Variants in MAST2 observed in about 807,000 individuals in gnomAD.
The protein encoded by MAST2 is microtubule-associated serine/threonine-protein kinase 2.
A neutral mutation model predicts 147.4 loss-of-function variants in MAST2; 70 were observed. That is an observed-to-expected ratio of 0.47 (90% CI 0.39 to 0.58). MAST2 has a LOEUF of 0.58. Ranked by LOEUF, MAST2 falls within the 20% of genes least tolerant of loss-of-function variation. MAST2 has a pLI of 0.00. For synonymous variants in MAST2, 869 were observed against 896.8 expected (o/e 0.97, Z 0.55); for missense variants, 2,080 against 2,302.3 (o/e 0.90, Z 1.98).
rs748642453 is a variant in MAST2 at position 46,033,950 on chromosome 1, G to A, written c.3674+12G>A. The A allele has an allele frequency of 2.9e-5, 47 of 1,613,740 alleles. No homozygotes were observed. Among genetic ancestry groups the A allele is most frequent in the South Asian group, 1.3e-4 (12 of 91,072 alleles). Reference sequence around the variant, plus strand: ...GATGGGCAAGAAAGGTGAGCCAGGCGCAGTGAAGAGGGTTTTCTCTGAGCC... The same window carrying A: ...GATGGGCAAGAAAGGTGAGCCAGGCACAGTGAAGAGGGTTTTCTCTGAGCC... On this transcript the variant is annotated intron_variant, in intron 27 of 28. Transcript: ENST00000361297.
chr1:46,017,480 AAAC>A (rs1456168418), intron 10 of MAST2, among the ~76,000 whole-genome samples: 1 of 152,214 alleles, frequency 6.6e-6, no homozygotes, highest in Non-Finnish European at 1.5e-5. Flanking sequence ...TACAAGAAAA[AAAC>A]AACCCCATCA....
At chr1:45,964,088 C>T (rs1346900330) in intron 5 of MAST2, among the ~76,000 whole-genome samples, 3 of 152,192 alleles carry the variant, frequency 2.0e-5, no homozygotes, top group Non-Finnish European at 4.4e-5. Context: ...GGTGGATAAG[C>T]TGTTTGATGT....
At chr1:45,819,183 G>A (rs1482391755) in intron 1 of MAST2, among the ~76,000 whole-genome samples, 1 of 151,528 alleles carries the variant, frequency 6.6e-6, no homozygotes, top group African/African-American at 2.4e-5. Context: ...AACCCAGGAG[G>A]CAGAGGTTGC....
At chr1:45,834,942 C>CTTT (rs545789885) in intron 3 of MAST2, among the ~76,000 whole-genome samples, 2 of 146,522 alleles carry the variant, frequency 1.4e-5, no homozygotes, top group East Asian at 2.0e-4. Context: ...CATTCCCTGT[C>CTTT]TTTTTTTTTT....
At chr1:45,869,560 C>T (rs1646294698) in intron 3 of MAST2, among the ~76,000 whole-genome samples, 1 of 152,120 alleles carries the variant, frequency 6.6e-6, no homozygotes, top group South Asian at 2.1e-4. Flanking sequence ...TTGTTTTATC[C>T]TCTGCTGCTT....
intron 3 of MAST2, among the ~76,000 whole-genome samples, chr1:45,845,362 T>A (rs1289313312): frequency 6.6e-6 from 1 of 152,226 alleles, no homozygotes; most frequent in Non-Finnish European, 1.5e-5. Context: ...AGAAATAAAT[T>A]TTATTTTTAA....
intron 16 of MAST2, among the ~76,000 whole-genome samples, chr1:46,026,859 CTGAGTT>C (rs1646435131): frequency 6.6e-6 from 1 of 152,134 alleles, no homozygotes. Context: ...CTTATTAAGT[CTGAGTT>C]TGAGTCTACT....
chr1:46,002,437 C>T (rs1031423976), intron 6 of MAST2, among the ~76,000 whole-genome samples: 7 of 152,316 alleles, frequency 4.6e-5, no homozygotes, highest in Non-Finnish European at 7.3e-5. Context: ...GAAATAGCTG[C>T]ATTTCAGTGG....
At chr1:46,024,982 A>G (rs785477) in intron 15 of MAST2, among the ~76,000 whole-genome samples, 101,179 of 152,060 alleles carry the variant, frequency 0.67, 33,980 homozygotes, top group Non-Finnish European at 0.71. Flanking sequence ...CTCACATGGC[A>G]GCAGACAAGA....
At chr1:45,849,021 A>G (rs149428604) in intron 3 of MAST2, among the ~76,000 whole-genome samples, 31 of 152,340 alleles carry the variant, frequency 2.0e-4, no homozygotes, top group African/African-American at 7.5e-4. Context: ...AATACTGCTA[A>G]CCAGGGAGGT....
chr1:45,869,090 GT>G (rs1284146673), intron 3 of MAST2, among the ~76,000 whole-genome samples: 4 of 151,850 alleles, frequency 2.6e-5, no homozygotes, highest in Admixed American at 6.6e-5. Flanking sequence ...ACCTTTGTTT[GT>G]TTTTTTCATA....
At chr1:45,868,106 G>C (rs1646233797) in intron 3 of MAST2, among the ~76,000 whole-genome samples, 1 of 152,246 alleles carries the variant, frequency 6.6e-6, no homozygotes, top group Non-Finnish European at 1.5e-5. Flanking sequence ...AGGAGCCTCT[G>C]TCGGTGTAGG....
intron 3 of MAST2, among the ~76,000 whole-genome samples, chr1:45,863,417 G>A (rs1449919141): frequency 6.6e-6 from 1 of 152,180 alleles, no homozygotes; most frequent in Non-Finnish European, 1.5e-5. Flanking sequence ...CAAAGCAGCA[G>A]ATGGGAGAAG....
At chr1:45,989,308 C>T (rs1206816018) in intron 5 of MAST2, among the ~76,000 whole-genome samples, 1 of 152,086 alleles carries the variant, frequency 6.6e-6, no homozygotes, top group Non-Finnish European at 1.5e-5. Flanking sequence ...TTCCAGTGTA[C>T]GTGTATAGCA....
chr1:46,010,789 C>T lies in MAST2; in HGVS notation c.1038C>T (p.Ser346=), dbSNP rs779766685. 69 of 1,614,052 alleles carry T rather than the reference C, an allele frequency of 4.3e-5. 1 individual carries two copies. In the Middle Eastern group the frequency reaches 6.6e-4, roughly 15 times the overall value. ...AEFISSNTPD[S]VLPLADGALS... The stretch of plus-strand genomic sequence containing the variant: ...TTATTTCCTCCAACACTCCAGACAG[C>T]GTGCTGCCCTTGGCAGATGGAGCCC... Residue 346 remains serine (S), a synonymous_variant, in exon 10 of 29, where the codon AGC becomes AGT. Coordinates refer to ENST00000361297, the MANE Select transcript of MAST2 (RefSeq NM_015112.3).
intron 4 of MAST2, among the ~76,000 whole-genome samples, chr1:45,949,881 T>C (rs779688981): frequency 6.6e-6 from 1 of 152,186 alleles, no homozygotes; most frequent in Admixed American, 6.5e-5. Context: ...TGGAATGTTA[T>C]GCAGCCATAA....
intron 3 of MAST2, among the ~76,000 whole-genome samples, chr1:45,839,007 T>C (rs1336161040): frequency 6.6e-6 from 1 of 152,112 alleles, no homozygotes; most frequent in East Asian, 1.9e-4. Context: ...AGGGTCTCAC[T>C]CTGTCATCCA....
At chr1:45,997,595 A>T (rs1473191569) in intron 5 of MAST2, 129 bp from the exon 6 acceptor site, 3 of 714,480 alleles carry the variant, frequency 4.2e-6, no homozygotes, top group Non-Finnish European at 5.0e-6. Context: ...AGACTCATTA[A>T]ACTGATAGTG....
chr1:45,991,030 T>TA lies in MAST2; in HGVS notation c.593-6693dup, dbSNP rs769998829. 8.3e-4 allele frequency among the ~76,000 whole-genome samples: 126 copies of TA among 152,336 alleles called. 2 individuals carry two copies. The highest frequency in any genetic ancestry group is 1.9e-4 in the Non-Finnish European group (13 of 68,038). On this transcript the variant is annotated intron_variant, in intron 5 of 28. Transcript: ENST00000361297. ...TTTGTTTTTACATTTAGGTAAATCTTACATTCGGATCATTTTCATGACCCA... is the reference window on the plus strand; with the variant it reads ...TTTGTTTTTACATTTAGGTAAATCTTAACATTCGGATCATTTTCATGACCCA...
Sources: allele counts gnomAD v4.1 joint callset (sites outside exome capture counted in the v4.1 genomes callset), GRCh38; gene constraint gnomAD v4.1.1; transcripts MANE v1.5; gene names NCBI Gene and HGNC (gene_info 2026-07-23, HGNC 2026-07-21).